The following CNNM2 variants were observed in gnomAD, a reference collection of about 807,000 sequenced individuals.
CNNM2 encodes the protein metal transporter CNNM2.
In CNNM2, 12 loss-of-function variants were observed where a neutral mutation model predicts 66.9. The ratio of observed to expected loss-of-function variants is 0.18; its 90% CI spans 0.11 to 0.29. CNNM2 has a LOEUF of 0.29. CNNM2 is among the 10% of genes least tolerant of loss of function. CNNM2 has a pLI of 1.00. For missense variants in CNNM2, 705 were observed against 1,167.7 expected (o/e 0.60, Z 5.77); for synonymous variants, 557 against 501.8 (o/e 1.11, Z -1.47).
At chr10:102,958,016 A>C (rs1018989682) in intron 1 of CNNM2, among the ~76,000 whole-genome samples, 1 of 152,180 alleles carries the variant, frequency 6.6e-6, no homozygotes, top group African/African-American at 2.4e-5. Flanking sequence ...GGCTCACTGC[A>C]ACCTCCGCCT....
intron 4 of CNNM2, among the ~76,000 whole-genome samples, chr10:103,066,889 G>T (rs922675534): frequency 1.3e-5 from 2 of 152,116 alleles, no homozygotes; most frequent in African/African-American, 4.8e-5. Context: ...TGTAGCACCT[G>T]CCCATTTGCA....
At chr10:103,022,700 A>G (rs966486976) in intron 1 of CNNM2, among the ~76,000 whole-genome samples, 1 of 152,166 alleles carries the variant, frequency 6.6e-6, no homozygotes, top group Non-Finnish European at 1.5e-5. Context: ...GCATTGCTGT[A>G]AAGGAGTACC....
At chr10:102,964,370 A>G (rs2063428667) in intron 1 of CNNM2, among the ~76,000 whole-genome samples, 1 of 152,078 alleles carries the variant, frequency 6.6e-6, no homozygotes, top group Non-Finnish European at 1.5e-5. Context: ...CTGGGACTAC[A>G]GGTGTGTGCC....
intron 1 of CNNM2, among the ~76,000 whole-genome samples, chr10:102,994,140 T>C (rs1341749608): frequency 6.6e-6 from 1 of 152,178 alleles, no homozygotes; most frequent in Non-Finnish European, 1.5e-5. Context: ...TTTCACCATG[T>C]TGGCCAGGCT....
chr10:103,066,581 C>G (rs1170250128), intron 4 of CNNM2, among the ~76,000 whole-genome samples: 2 of 152,256 alleles, frequency 1.3e-5, no homozygotes, highest in African/African-American at 4.8e-5. Context: ...AAACACAGAG[C>G]CTGGCCGGCC....
At chr10:103,023,793 G>T (rs1355163226) in intron 1 of CNNM2, among the ~76,000 whole-genome samples, 1 of 152,010 alleles carries the variant, frequency 6.6e-6, no homozygotes, top group East Asian at 1.9e-4. Context: ...ATATTATTTT[G>T]AAATAAAACA....
chr10:103,040,352 A>G (rs899879057), intron 1 of CNNM2, among the ~76,000 whole-genome samples: 2 of 151,950 alleles, frequency 1.3e-5, no homozygotes, highest in African/African-American at 4.8e-5. Flanking sequence ...GGGTGAGTAG[A>G]GCCATGGAGG....
intron 1 of CNNM2, among the ~76,000 whole-genome samples, chr10:103,033,502 G>GT (rs1216717566): frequency 3.3e-5 from 5 of 150,762 alleles, no homozygotes; most frequent in East Asian, 2.0e-4. Context: ...ACAATCTAAG[G>GT]TTTTTTTTAA....
In CNNM2 at chr10:103,080,687, CTG is replaced by C. The variant is rs754404380; in HGVS notation, c.*3510_*3511del. 1.2e-4 allele frequency: 18 copies of C among 152,334 alleles called. No homozygotes were observed. Among genetic ancestry groups the C allele is most frequent in the Non-Finnish European group, 1.2e-4 (8 of 68,040 alleles). The allele number at this position is 152,334 out of a possible 1,614,324, so 9.4% of individuals were successfully genotyped here. ...GCTTCACACTAATACGGAACAGTAA[CTG>C]TGAGTATATTTACCTGTGCTGTCGT... is the stretch of plus-strand genomic sequence containing the variant. On this transcript the variant is annotated 3_prime_UTR_variant, in exon 8 of 8. Coordinates refer to ENST00000369878, the MANE Select transcript of CNNM2 (RefSeq NM_017649.5).
intron 1 of CNNM2, among the ~76,000 whole-genome samples, chr10:102,999,541 T>A (rs2064074763): frequency 6.6e-6 from 1 of 152,158 alleles, no homozygotes; most frequent in African/African-American, 2.4e-5. Context: ...AATGGAAAGC[T>A]GTGTTTGTCG....
chr10:103,010,569 G>A (rs1262637147), intron 1 of CNNM2, among the ~76,000 whole-genome samples: 1 of 151,852 alleles, frequency 6.6e-6, no homozygotes, highest in East Asian at 1.9e-4. Flanking sequence ...GAAAAATTTT[G>A]GACAGATAAA....
At chr10:102,982,140 AC>A (rs1352760102) in intron 1 of CNNM2, among the ~76,000 whole-genome samples, 2 of 152,206 alleles carry the variant, frequency 1.3e-5, no homozygotes, top group African/African-American at 4.8e-5. Context: ...TATCCTTCAG[AC>A]GACTAAACAG....
intron 1 of CNNM2, among the ~76,000 whole-genome samples, chr10:102,995,127 TTTC>T (rs936001267): frequency 3.4e-5 from 2 of 59,260 alleles, no homozygotes; most frequent in Non-Finnish European, 3.4e-5. Context: ...CTCCTGGGGT[TTTC>T]TTCTTCTTAT....
chr10:103,068,398 T>C (rs764074489), intron 4 of CNNM2: 9 of 450,454 alleles, frequency 2.0e-5, no homozygotes, highest in South Asian at 1.7e-4. Flanking sequence ...ATTTTAAAAA[T>C]AAACATCACA....
intron 1 of CNNM2, among the ~76,000 whole-genome samples, chr10:103,029,073 C>T (rs1379773078): frequency 2.2e-4 from 33 of 151,792 alleles, no homozygotes; most frequent in Admixed American, 1.3e-4. Context: ...CCACCCGCCT[C>T]GGCCTCCCAA....
chr10:102,921,517 T>A (rs556784844), intron 1 of CNNM2, among the ~76,000 whole-genome samples: 1 of 152,298 alleles, frequency 6.6e-6, no homozygotes, highest in East Asian at 1.9e-4. Context: ...ATTGGTAAAT[T>A]TGCATTTAAA....
At chr10:102,963,919 GTT>G (rs2063421639) in intron 1 of CNNM2, among the ~76,000 whole-genome samples, 1 of 152,094 alleles carries the variant, frequency 6.6e-6, no homozygotes, top group African/African-American at 2.4e-5. Context: ...TGTTTTCTGA[GTT>G]TTCTTTTAGA....
At chr10:103,022,352 T>G (rs754802684) in intron 1 of CNNM2, among the ~76,000 whole-genome samples, 1 of 151,854 alleles carries the variant, frequency 6.6e-6, no homozygotes, top group Non-Finnish European at 1.5e-5. Context: ...CCTATCATAC[T>G]TTTTTTCCTG....
intron 1 of CNNM2, among the ~76,000 whole-genome samples, chr10:102,990,186 G>C (rs1483791338): frequency 2.0e-5 from 3 of 152,008 alleles, no homozygotes; most frequent in Admixed American, 2.0e-4. Flanking sequence ...GGCTGATCTC[G>C]AACTCCTCAC....
Sources: allele counts gnomAD v4.1 joint callset (sites outside exome capture counted in the v4.1 genomes callset), GRCh38; gene constraint gnomAD v4.1.1; transcripts MANE v1.5; gene names NCBI Gene and HGNC (gene_info 2026-07-23, HGNC 2026-07-21).